FREM2: variants seen among roughly 807,000 people sequenced by gnomAD.
FREM2 encodes FRAS1-related extracellular matrix protein 2.
A neutral mutation model predicts 219.9 loss-of-function variants in FREM2; 119 were observed. The ratio of observed to expected loss-of-function variants is 0.54; its 90% CI spans 0.47 to 0.63. FREM2 has a LOEUF of 0.63. FREM2 is among the 30% of genes least tolerant of loss of function. The pLI is 0.00. For synonymous variants in FREM2, 1,562 were observed against 1,522.8 expected (o/e 1.03, Z -0.60); for missense variants, 4,030 against 3,993.6 (o/e 1.01, Z -0.25).
At chr13:38,715,937 G>T (rs1870980874) in intron 2 of FREM2, among the ~76,000 whole-genome samples, 1 of 152,056 alleles carries the variant, frequency 6.6e-6, no homozygotes, top group Non-Finnish European at 1.5e-5. Flanking sequence ...AGTGCTACAT[G>T]ACTATAAGTT....
chr13:38,694,339 A>G (rs1381107712), intron 1 of FREM2, among the ~76,000 whole-genome samples: 4 of 152,224 alleles, frequency 2.6e-5, no homozygotes, highest in African/African-American at 7.2e-5. Context: ...AATATAAACC[A>G]AAATATTGAC....
intron 6 of FREM2, among the ~76,000 whole-genome samples, chr13:38,793,327 A>C (rs1874637572): frequency 6.6e-6 from 1 of 152,194 alleles, no homozygotes; most frequent in African/African-American, 2.4e-5. Flanking sequence ...GTTCAGGAAA[A>C]ACTTCTTTAA....
At chr13:38,780,237 T>C (rs1874065479) in intron 4 of FREM2, among the ~76,000 whole-genome samples, 1 of 152,248 alleles carries the variant, frequency 6.6e-6, no homozygotes, top group Admixed American at 6.5e-5. Context: ...CTGATTCTCC[T>C]GAAGTCTTCC....
Position 38,708,452 on chromosome 13 carries a change from G to A in FREM2, c.5263+10665G>A, listed in dbSNP as rs149994228. On this transcript the variant is annotated intron_variant, in intron 2 of 23. Transcript: ENST00000280481. Reference sequence around the variant, plus strand: ...GCAGATCACTTGAGGTCAGGGGTTCGAGACCAGCCTGGACAACATGGTGAA... The same window carrying A: ...GCAGATCACTTGAGGTCAGGGGTTCAAGACCAGCCTGGACAACATGGTGAA... 4.4e-3 allele frequency among the ~76,000 whole-genome samples: 671 copies of A among 152,176 alleles called. 12 individuals are homozygous for A. Among genetic ancestry groups the A allele is most frequent in the African/African-American group, 0.015 (629 of 41,522 alleles).
In FREM2 at chr13:38,876,304, A is replaced by C; in HGVS notation, c.8466A>C (p.Ser2822=). The C allele has an allele frequency of 6.2e-7, 1 of 1,614,104 alleles. No homozygotes were observed. Among genetic ancestry groups the C allele is most frequent in the South Asian group, 1.1e-5 (1 of 91,076 alleles). The change falls in exon 20 of 24, where the codon TCA becomes TCC. Residue 2822 remains serine (S), a synonymous_variant. Coordinates refer to ENST00000280481, the MANE Select transcript of FREM2 (RefSeq NM_207361.6). Reference sequence around the variant, plus strand: ...AGCTGGTGCCATGCACTGCCCCATCACATCAGGAATACCGCCTGCCAGTCA... The same window carrying C: ...AGCTGGTGCCATGCACTGCCCCATCCCATCAGGAATACCGCCTGCCAGTCA... ...TVKLVPCTAP[S]HQEYRLPVTC...
chr13:38,737,084 C>A (rs1288731292), intron 2 of FREM2, among the ~76,000 whole-genome samples: 1 of 152,146 alleles, frequency 6.6e-6, no homozygotes, highest in Admixed American at 6.5e-5. Flanking sequence ...CCCTACCCAC[C>A]AGAATCCTGT....
chr13:38,709,657 A>G (rs1027233684), intron 2 of FREM2, among the ~76,000 whole-genome samples: 2 of 152,166 alleles, frequency 1.3e-5, no homozygotes, highest in Non-Finnish European at 1.5e-5. Context: ...ATTGCTCCTC[A>G]AATCACACGG....
Position 38,764,322 on chromosome 13 carries a change from A to G in FREM2, c.5282A>G (p.Tyr1761Cys), listed in dbSNP as rs758678009. The G allele has an allele frequency of 8.7e-6, 14 of 1,612,368 alleles. No homozygotes were observed. The highest frequency in any genetic ancestry group is 2.5e-6 in the Non-Finnish European group (3 of 1,178,520). The change falls in exon 3 of 24, where the codon TAC becomes TGC. Residue 1761 changes from tyrosine to cysteine, a missense_variant. Tyr to Cys is a radical substitution (Grantham distance 194). This residue lies in a region of FREM2 where 3,102 missense variants were observed against 2,950.7 expected (regional missense o/e 1.05). Transcript: ENST00000280481. ...TTTCAAGGTGGAAACAAGTTAACGT[A>G]CCAGAATTTTCGTCTGAATTGGGCA... The part of the protein sequence containing the change: ...VEDGGGNKLT[Y>C]QNFRLNWAWI...
intron 6 of FREM2, among the ~76,000 whole-genome samples, chr13:38,830,177 A>G (rs1324576404): frequency 6.6e-6 from 1 of 152,170 alleles, no homozygotes; most frequent in African/African-American, 2.4e-5. Context: ...GGGAAAGATA[A>G]CAAACGAAAG....
Position 38,876,131 on chromosome 13 carries a change from C to T in FREM2, c.8391C>T (p.Ser2797=). 1.2e-6 allele frequency: 2 copies of T among 1,614,132 alleles called. No individual in the cohort carries two copies. Among genetic ancestry groups the T allele is most frequent in the Non-Finnish European group, 8.5e-7 (1 of 1,180,022 alleles). ...ATAACCAGCCAGTACAGCAGTGGAG[C>T]TTTGTCTCTGACTTTGCCGTAAGTG... ...PTYNQPVQQW[S]FVSDFAVRDY... The change falls in exon 19 of 24, where the codon AGC becomes AGT. Residue 2797 remains serine (S), a synonymous_variant. Transcript: ENST00000280481.
Position 38,876,296 on chromosome 13 carries a change from GC to G in FREM2, c.8462del (p.Pro2821HisfsTer39). On this transcript the variant is annotated frameshift_variant, in exon 20 of 24. Coordinates refer to ENST00000280481, the MANE Select transcript of FREM2 (RefSeq NM_207361.6). LOFTEE classifies it high-confidence loss of function. The stretch of plus-strand genomic sequence containing the variant: ...TACTGTGAAGCTGGTGCCATGCACT[GC>G]CCCATCACATCAGGAATACCGCCTG... ...TYTVKLVPCT[A>X]PSHQEYRLPV... 6.2e-7 allele frequency: 1 copy of G among 1,613,910 alleles called. No individual in the cohort carries two copies. The highest frequency in any genetic ancestry group is 8.5e-7 in the Non-Finnish European group (1 of 1,179,862).
At chr13:38,742,085 C>T (rs1391406126) in intron 2 of FREM2, among the ~76,000 whole-genome samples, 1 of 152,164 alleles carries the variant, frequency 6.6e-6, no homozygotes, top group Non-Finnish European at 1.5e-5. Context: ...ATTTGCCCAT[C>T]TGTCAACATT....
intron 2 of FREM2, among the ~76,000 whole-genome samples, chr13:38,740,324 G>A (rs1461709251): frequency 1.3e-5 from 2 of 152,130 alleles, no homozygotes; most frequent in African/African-American, 4.8e-5. Flanking sequence ...AAACATTAAA[G>A]ACTTGTAATG....
At chr13:38,867,843 A>G (rs1341051762) in intron 16 of FREM2, among the ~76,000 whole-genome samples, 3 of 152,222 alleles carry the variant, frequency 2.0e-5, no homozygotes, top group East Asian at 3.9e-4. Flanking sequence ...TTTTTTGTCT[A>G]TCTAGGCCTC....
chr13:38,772,671 A>C (rs1190494415), intron 4 of FREM2, among the ~76,000 whole-genome samples: 1 of 149,368 alleles, frequency 6.7e-6, no homozygotes, highest in Non-Finnish European at 1.5e-5. Flanking sequence ...AAATTATATG[A>C]CAAAAAGAAC....
chr13:38,761,302 A>G (rs1012822918), intron 2 of FREM2, among the ~76,000 whole-genome samples: 1 of 152,168 alleles, frequency 6.6e-6, no homozygotes, highest in South Asian at 2.1e-4. Context: ...GAAGTTTGGA[A>G]TGAAACCTAG....
At chr13:38,798,297 AC>A (rs1413964950) in intron 6 of FREM2, among the ~76,000 whole-genome samples, 1 of 152,012 alleles carries the variant, frequency 6.6e-6, no homozygotes, top group East Asian at 1.9e-4. Flanking sequence ...CATATGTTGA[AC>A]CATCCTTGCA....
In FREM2 at chr13:38,783,183, T is replaced by A; in HGVS notation, c.5755T>A (p.Tyr1919Asn). ...DVSQELMVVC[Y>N]TQQGTATGTV... ...GAGCCAGGAGTTGATGGTGGTCTGT[T>A]ATACCCAACAAGGTAGCTCGATTTG... Residue 1919 changes from tyrosine to asparagine, a missense_variant, in exon 5 of 24, where the codon TAT (tyrosine) becomes AAT (asparagine). By Grantham distance (143) the Tyr-to-Asn change is moderately radical. Around this residue, in one of 2 missense-constraint regions of FREM2, gnomAD observed 3,102 missense variants for 2,950.7 expected, o/e 1.05. Transcript: ENST00000280481. 2 of 1,614,082 alleles carry A rather than the reference T, an allele frequency of 1.2e-6. No individual in the cohort carries two copies. The highest frequency in any genetic ancestry group is 2.2e-5 in the South Asian group (2 of 91,076).
intron 3 of FREM2, among the ~76,000 whole-genome samples, chr13:38,768,788 TA>T (rs1873542174): frequency 6.6e-6 from 1 of 152,210 alleles, no homozygotes; most frequent in Non-Finnish European, 1.5e-5. Flanking sequence ...TAATGTACCC[TA>T]TGGTTTGAGT....
Sources: allele counts gnomAD v4.1 joint callset (sites outside exome capture counted in the v4.1 genomes callset), GRCh38; gene constraint gnomAD v4.1.1; regional missense constraint gnomAD v4.1.1; transcripts MANE v1.5; gene names NCBI Gene and HGNC (gene_info 2026-07-23, HGNC 2026-07-21).